KCNIP1: variants seen among roughly 807,000 people sequenced by gnomAD.
KCNIP1 encodes A-type potassium channel modulatory protein KCNIP1.
Under a neutral mutation model 33.0 loss-of-function variants are expected in KCNIP1, and 18 were observed. The ratio of observed to expected loss-of-function variants is 0.55; its 90% CI spans 0.38 to 0.81. KCNIP1 has a LOEUF of 0.81. Ranked by LOEUF, KCNIP1 falls within the 30% of genes least tolerant of loss-of-function variation. The probability of loss-of-function intolerance (pLI) is 0.00; values close to 1 mark genes in which losing one functional copy is unlikely to be tolerated. For missense variants in KCNIP1, 238 were observed against 271.6 expected (o/e 0.88, Z 0.87); for synonymous variants, 93 against 98.3 (o/e 0.95, Z 0.32).
intron 1 of KCNIP1, among the ~76,000 whole-genome samples, chr5:170,562,464 T>C (rs1757066485): frequency 6.6e-6 from 1 of 152,190 alleles, no homozygotes; most frequent in South Asian, 2.1e-4. Context: ...GGAAAGTGCT[T>C]GATGTGTAGC....
chr5:170,390,036 C>A (rs10065969), intron 1 of KCNIP1, among the ~76,000 whole-genome samples: 40,071 of 152,054 alleles, frequency 0.26, 5,397 homozygotes, highest in African/African-American at 0.3. Context: ...GAGAGCTCCA[C>A]AACTGCTTCC....
intron 1 of KCNIP1, among the ~76,000 whole-genome samples, chr5:170,432,683 C>T (rs186923055): frequency 1.2e-3 from 181 of 152,286 alleles, no homozygotes; most frequent in Non-Finnish European, 1.9e-3. Context: ...CCAAGAGACT[C>T]CTGGGACAAG....
At chr5:170,473,611 C>CTCAG in intron 1 of KCNIP1, among the ~76,000 whole-genome samples, 1 of 152,100 alleles carries the variant, frequency 6.6e-6, no homozygotes, top group Non-Finnish European at 1.5e-5. Context: ...GCACCAGGGC[C>CTCAG]CCTGGCAGCT....
intron 1 of KCNIP1, among the ~76,000 whole-genome samples, chr5:170,468,761 C>T (rs1756661811): frequency 6.6e-6 from 1 of 151,918 alleles, no homozygotes; most frequent in Non-Finnish European, 1.5e-5. Flanking sequence ...TGGTGGCACA[C>T]CGCTACTTAG....
At chr5:170,510,494 C>G (rs1016124075) in intron 1 of KCNIP1, among the ~76,000 whole-genome samples, 1 of 152,062 alleles carries the variant, frequency 6.6e-6, no homozygotes, top group Admixed American at 6.5e-5. Context: ...GCATAATGGC[C>G]GTGGAGCTGA....
chr5:170,608,660 G>A (rs908893705), intron 1 of KCNIP1, among the ~76,000 whole-genome samples: 1 of 151,826 alleles, frequency 6.6e-6, no homozygotes, highest in African/African-American at 2.4e-5. Context: ...TAATCCCAGC[G>A]ACTCGGGAGG....
intron 5 of KCNIP1, among the ~76,000 whole-genome samples, chr5:170,730,275 C>T (rs1240401771): frequency 1.3e-5 from 2 of 152,102 alleles, no homozygotes; most frequent in African/African-American, 4.8e-5. Context: ...ACTCATTATT[C>T]CATCACTGAA....
intron 1 of KCNIP1, among the ~76,000 whole-genome samples, chr5:170,624,156 CA>C (rs1759721475): frequency 6.6e-6 from 1 of 152,240 alleles, no homozygotes; most frequent in Non-Finnish European, 1.5e-5. Flanking sequence ...ACAGCATAAT[CA>C]AATAGGTCAT....
chr5:170,414,972 G>A (rs532854443), intron 1 of KCNIP1, among the ~76,000 whole-genome samples: 4 of 152,166 alleles, frequency 2.6e-5, no homozygotes, highest in Non-Finnish European at 5.9e-5. Context: ...GCATGTAGTA[G>A]GTGCTCAGCA....
chr5:170,729,515 T>C (rs1265204645), intron 5 of KCNIP1, among the ~76,000 whole-genome samples: 1 of 152,038 alleles, frequency 6.6e-6, no homozygotes, highest in African/African-American at 2.4e-5. Flanking sequence ...TTTAACAATT[T>C]AATAAATCTA....
At chr5:170,681,244 G>A (rs1026512431) in intron 1 of KCNIP1, 13 of 398,210 alleles carry the variant, frequency 3.3e-5, no homozygotes, top group Non-Finnish European at 4.9e-5. Flanking sequence ...TGCTGTGACA[G>A]TCGTTTCGAA....
intron 1 of KCNIP1, among the ~76,000 whole-genome samples, chr5:170,506,200 A>C (rs569148131): frequency 6.6e-6 from 1 of 152,190 alleles, no homozygotes; most frequent in East Asian, 1.9e-4. Context: ...GAAAGATCTC[A>C]AGCCCTAGAG....
At chr5:170,493,091 T>C (rs368825009) in intron 1 of KCNIP1, among the ~76,000 whole-genome samples, 1 of 152,326 alleles carries the variant, frequency 6.6e-6, no homozygotes, top group South Asian at 2.1e-4. Flanking sequence ...AATCAGAGCC[T>C]GAGGTGCAGG....
At chr5:170,702,050 C>T (rs1763116675) in intron 1 of KCNIP1, among the ~76,000 whole-genome samples, 3 of 152,174 alleles carry the variant, frequency 2.0e-5, no homozygotes, top group Non-Finnish European at 4.4e-5. Context: ...CCCTAAAAAC[C>T]TATGGAAATA....
intron 1 of KCNIP1, among the ~76,000 whole-genome samples, chr5:170,464,402 T>C (rs1581216288): frequency 6.6e-6 from 1 of 152,242 alleles, no homozygotes. Context: ...GGAATTCATA[T>C]GGATTGCAAG....
At chr5:170,656,992 C>CTTTTTTT (rs11397076) in intron 1 of KCNIP1, among the ~76,000 whole-genome samples, 10 of 116,440 alleles carry the variant, frequency 8.6e-5, no homozygotes, top group African/African-American at 2.2e-4. Context: ...TTTTTTCTTT[C>CTTTTTTT]TTTCTTTTTT....
intron 1 of KCNIP1, among the ~76,000 whole-genome samples, chr5:170,676,313 T>G (rs1346263066): frequency 6.6e-6 from 1 of 152,176 alleles, no homozygotes; most frequent in Non-Finnish European, 1.5e-5. Context: ...ACCCATCCTG[T>G]GCCCACAAAA....
At chr5:170,635,323 C>A (rs1760237601) in intron 1 of KCNIP1, among the ~76,000 whole-genome samples, 1 of 152,180 alleles carries the variant, frequency 6.6e-6, no homozygotes, top group South Asian at 2.1e-4. Context: ...AGCCATCACG[C>A]CCGGCCAAGA....
intron 1 of KCNIP1, among the ~76,000 whole-genome samples, chr5:170,479,277 C>G (rs1756923355): frequency 6.6e-6 from 1 of 152,164 alleles, no homozygotes; most frequent in Non-Finnish European, 1.5e-5. Context: ...CAGAAAGCAC[C>G]AGAGAAAACT....
Sources: gnomAD v4.1 joint callset for allele counts (sites outside exome capture counted in the v4.1 genomes callset) on GRCh38, gnomAD v4.1.1 for gene constraint, MANE v1.5 for transcripts, NCBI Gene and HGNC (gene_info 2026-07-23, HGNC 2026-07-21) for gene names.